The following MUC13 variants were observed in gnomAD, a reference collection of about 807,000 sequenced individuals.
The protein encoded by MUC13 is mucin 13, cell surface associated.
In MUC13, 32 loss-of-function variants were observed where a neutral mutation model predicts 48.3. The observed-to-expected ratio is 0.66, with a 90% CI of 0.50 to 0.89. The LOEUF (loss-of-function observed/expected upper bound fraction) is 0.89, where lower values mean the gene tolerates loss of function less well. Among genes scored for constraint, MUC13 ranks in the 40% least tolerant of loss-of-function variants. The pLI is 0.00. For synonymous variants in MUC13, 199 were observed against 224.9 expected, an observed-to-expected ratio of 0.88 and a Z score of 1.03; for missense variants, 571 against 622.8, an observed-to-expected ratio of 0.92 and a Z score of 0.88.
intron 10 of MUC13, among the ~76,000 whole-genome samples, chr3:124,909,374 T>C (rs1156286279): frequency 2.0e-5 from 3 of 152,126 alleles, no homozygotes; most frequent in Admixed American, 6.6e-5. Flanking sequence ...GGGGGGACTT[T>C]AGTCTATCTA....
At chr3:124,912,579 C>T (rs968348664) in intron 8 of MUC13, among the ~76,000 whole-genome samples, 1 of 152,180 alleles carries the variant, frequency 6.6e-6, no homozygotes, top group Non-Finnish European at 1.5e-5. Context: ...TAAGACATTC[C>T]TGACAATGTT....
Position 124,923,536 on chromosome 3 carries a change from A to C in MUC13, c.628T>G (p.Cys210Gly), listed in dbSNP as rs563855106. 101 of 1,613,550 alleles carry C rather than the reference A, an allele frequency of 6.3e-5. No individual in the cohort carries two copies. Among genetic ancestry groups the C allele is most frequent in the Non-Finnish European group, 8.0e-5 (94 of 1,179,774 alleles). The change falls in exon 3 of 12, where the codon TGT becomes GGT. Residue 210 changes from cysteine (C) to glycine (G), a missense_variant. Transcript: ENST00000616727. ...ATCCCTTGTAACTCACCTTTCTTACATGTAGAAGAGTTGTAGTAATACCCT... is the reference window on the plus strand; with the variant it reads ...ATCCCTTGTAACTCACCTTTCTTACCTGTAGAAGAGTTGTAGTAATACCCT... Reference protein sequence around the residue: ...LEGYYYNSSTCKKGKVFPGKI... With the variant: ...LEGYYYNSSTGKKGKVFPGKI...
intron 1 of MUC13, among the ~76,000 whole-genome samples, chr3:124,930,095 C>T (rs1935768190): frequency 6.6e-6 from 1 of 152,192 alleles, no homozygotes; most frequent in East Asian, 1.9e-4. Context: ...GAATTTCATG[C>T]TTTGGGAATA....
At position 124,920,201 on chromosome 3, in the gene MUC13, A is replaced by G. The variant is rs757548708; in HGVS notation, c.800+33T>C. On this transcript the variant is annotated intron_variant, in intron 5 of 11. Coordinates refer to ENST00000616727, the MANE Select transcript of MUC13 (RefSeq NM_033049.4). The stretch of plus-strand genomic sequence containing the variant: ...AAGCTCGGAAGTTAGACAGACACAC[A>G]TCTGCCTCCAAAATTGTCCATAACA... 3.3e-5 allele frequency: 52 copies of G among 1,579,756 alleles called. No individual in the cohort carries two copies. In the South Asian group the frequency reaches 5.2e-4, roughly 16 times the overall value.
chr3:124,929,668 G>A (rs1025285719), intron 1 of MUC13, among the ~76,000 whole-genome samples: 23 of 152,106 alleles, frequency 1.5e-4, no homozygotes, highest in African/African-American at 5.3e-4. Flanking sequence ...ACTCAGGATA[G>A]TTCTCATCTA....
intron 8 of MUC13, among the ~76,000 whole-genome samples, chr3:124,912,364 G>C (rs912346954): frequency 2.0e-5 from 3 of 152,136 alleles, no homozygotes; most frequent in Admixed American, 2.0e-4. Flanking sequence ...TCTCATGCAG[G>C]CTCATTTGCT....
chr3:124,933,407 G>A (rs1560002886), intron 1 of MUC13, among the ~76,000 whole-genome samples: 1 of 152,090 alleles, frequency 6.6e-6, no homozygotes, highest in Non-Finnish European at 1.5e-5. Flanking sequence ...CACCAAAGAA[G>A]AACTATTGCT....
intron 1 of MUC13, among the ~76,000 whole-genome samples, chr3:124,929,557 A>G (rs1935758530): frequency 6.6e-6 from 1 of 152,214 alleles, no homozygotes; most frequent in Admixed American, 6.5e-5. Context: ...CTTGGCTAAC[A>G]TAGCCATTCA....
intron 4 of MUC13, 37 bp downstream of exon 4, chr3:124,922,160 G>C: frequency 1.2e-6 from 2 of 1,610,900 alleles, no homozygotes; most frequent in Non-Finnish European, 1.7e-6. Context: ...TTAGAACAAA[G>C]AATGCTTTAC....
At chr3:124,909,362 A>G (rs1401195306) in intron 10 of MUC13, among the ~76,000 whole-genome samples, 5 of 152,172 alleles carry the variant, frequency 3.3e-5, no homozygotes, top group Non-Finnish European at 7.3e-5. Context: ...CTCCCTGTTA[A>G]TGGGGGGACT....
chr3:124,929,895 G>A (rs1361282752), intron 1 of MUC13, among the ~76,000 whole-genome samples: 1 of 152,216 alleles, frequency 6.6e-6, no homozygotes, highest in Non-Finnish European at 1.5e-5. Context: ...ACAAACACAA[G>A]AAAAGCAAAT....
At position 124,916,419 on chromosome 3, in the gene MUC13, C is replaced by G; in HGVS notation, c.862G>C (p.Val288Leu). 1 of 1,613,744 alleles carries G rather than the reference C, an allele frequency of 6.2e-7. No individual in the cohort carries two copies. The highest frequency in any genetic ancestry group is 8.5e-7 in the Non-Finnish European group (1 of 1,179,876). The change falls in exon 6 of 12, where the codon GTA becomes CTA. Residue 288 changes from valine (V) to leucine (L), a missense_variant. Physicochemically the swap from Val to Leu is conservative, Grantham distance 32. Coordinates refer to ENST00000616727, the MANE Select transcript of MUC13 (RefSeq NM_033049.4). Reference protein sequence around the residue: ...ADDKFVNVTIVTILAETTSDN... With the variant: ...ADDKFVNVTILTILAETTSDN... ...CTTGTGGTTTCTGCCAAAATTGTTA[C>G]TATTGTTACATTAACAAACTTGTCA...
chr3:124,914,328 T>C (rs1935474226), intron 6 of MUC13, among the ~76,000 whole-genome samples: 1 of 151,950 alleles, frequency 6.6e-6, no homozygotes, highest in East Asian at 1.9e-4. Context: ...GGGAATTGCT[T>C]GAACCTAGGA....
chr3:124,933,965 G>A (rs573012479), intron 1 of MUC13, among the ~76,000 whole-genome samples: 1 of 152,120 alleles, frequency 6.6e-6, no homozygotes, highest in African/African-American at 2.4e-5. Flanking sequence ...TACTCCCTAT[G>A]GTTTAGCATT....
At chr3:124,926,877 T>A (rs190453080) in intron 2 of MUC13, among the ~76,000 whole-genome samples, 31 of 152,302 alleles carry the variant, frequency 2.0e-4, no homozygotes, top group Middle Eastern at 3.4e-3. Context: ...CGTAGTTGAT[T>A]TCTGTTATAG....
intron 1 of MUC13, among the ~76,000 whole-genome samples, chr3:124,932,393 C>T (rs1935813383): frequency 6.6e-6 from 1 of 151,952 alleles, no homozygotes; most frequent in South Asian, 2.1e-4. Context: ...TGGTGAAACC[C>T]CATCTCTACT....
chr3:124,906,629 C>T lies in MUC13; in HGVS notation c.*114G>A, dbSNP rs552855296. 5 of 152,256 alleles carry T rather than the reference C, an allele frequency of 3.3e-5. No homozygotes were observed. The highest frequency in any genetic ancestry group is 3.9e-4 in the East Asian group (2 of 5,180). The allele number at this position is 152,256 out of a possible 1,614,324, so 9.4% of individuals were successfully genotyped here. The stretch of plus-strand genomic sequence containing the variant: ...TGGCAGATGTCAGATGGAAGAAAAA[C>T]CCCGGAGGCCAGATCTTTACTGGTG... On this transcript the variant is annotated 3_prime_UTR_variant, in exon 12 of 12. Coordinates refer to ENST00000616727, the MANE Select transcript of MUC13 (RefSeq NM_033049.4).
chr3:124,919,331 C>A (rs1935555010), intron 5 of MUC13, among the ~76,000 whole-genome samples: 1 of 136,212 alleles, frequency 7.3e-6, no homozygotes, highest in Admixed American at 7.9e-5. Flanking sequence ...GAGTGAGATT[C>A]CATCTCAAAA....
chr3:124,930,856 C>G (rs1174182580), intron 1 of MUC13, among the ~76,000 whole-genome samples: 1 of 152,214 alleles, frequency 6.6e-6, no homozygotes, highest in Non-Finnish European at 1.5e-5. Flanking sequence ...ATAATGCAGT[C>G]CTAGTCTCTC....
Sources: allele counts gnomAD v4.1 joint callset (sites outside exome capture counted in the v4.1 genomes callset), GRCh38; gene constraint gnomAD v4.1.1; transcripts MANE v1.5; gene names NCBI Gene and HGNC (gene_info 2026-07-23, HGNC 2026-07-21).